NEB: variants seen among roughly 807,000 people sequenced by gnomAD.
NEB encodes the protein nemaline myopathy type 2.
NEB carries 512 observed loss-of-function variants against 952.2 expected under a neutral mutation model. That is an observed-to-expected ratio of 0.54 (90% confidence interval 0.50 to 0.58). NEB has a LOEUF of 0.58. NEB is among the 20% of genes least tolerant of loss of function. The pLI, the probability that NEB is intolerant of heterozygous loss-of-function variation, is 0.00. For synonymous variants in NEB, 2,900 were observed against 3,149.8 expected (o/e 0.92, Z 2.66); for missense variants, 8,428 against 9,231.1 (o/e 0.91, Z 3.56).
At chr2:151,591,952 A>G (rs2097292448) in intron 95 of NEB, 82 bp downstream of exon 95, 4 of 1,529,112 alleles carry the variant, frequency 2.6e-6, no homozygotes, top group East Asian at 2.4e-5. Flanking sequence ...ATGCCTTTTG[A>G]CAAACTCTCT....
chr2:151,672,822 A>C (rs2099316723), intron 36 of NEB, 142 bp from the exon 37 acceptor site: 1 of 665,500 alleles, frequency 1.5e-6, no homozygotes, highest in East Asian at 2.7e-5. Flanking sequence ...CCCTCCAAAA[A>C]GTTCAGTGAA....
At chr2:151,491,037 C>CT (rs35824119) in intron 179 of NEB, among the ~76,000 whole-genome samples, 76 of 138,072 alleles carry the variant, frequency 5.5e-4, no homozygotes, top group South Asian at 3.7e-3. Flanking sequence ...ACATAATATC[C>CT]TTTTTTTTTT....
intron 117 of NEB, 28 bp downstream of exon 117, chr2:151,565,016 A>C: frequency 7.6e-7 from 1 of 1,314,798 alleles, no homozygotes; most frequent in Non-Finnish European, 1.1e-6. Context: ...TTAGAAATTG[A>C]GTGGTTATTA....
intron 63 of NEB, among the ~76,000 whole-genome samples, chr2:151,637,100 C>A (rs2098776337): frequency 6.6e-6 from 1 of 152,086 alleles, no homozygotes; most frequent in Non-Finnish European, 1.5e-5. Context: ...GAGGTTGAGA[C>A]CCCTCTCAAC....
At chr2:151,623,893 A>C (rs2098466708) in intron 71 of NEB, among the ~76,000 whole-genome samples, 1 of 152,158 alleles carries the variant, frequency 6.6e-6, no homozygotes, top group Non-Finnish European at 1.5e-5. Flanking sequence ...AGAGTTCTTT[A>C]ATTCTTTCAG....
Position 151,497,661 on chromosome 2 carries a change from C to A in NEB, c.24265G>T (p.Glu8089Ter), listed in dbSNP as rs374656230. 1 of 1,584,638 alleles carries A rather than the reference C, an allele frequency of 6.3e-7. No individual in the cohort carries two copies. ...GTPLPVTPEM[E>*]RVKHNQENIS... is the part of the protein sequence containing the mutation. The stretch of plus-strand genomic sequence containing the variant: ...TTTTCTTGATTGTGTTTGACTCTTT[C>A]CATCTCGGGAGTGACAGGTAAAGGG... The change falls in exon 171 of 182, where the codon GAA becomes TAA. Residue 8089 changes from glutamate to a stop codon, truncating the protein, a stop_gained. Coordinates refer to ENST00000397345, the MANE Select transcript of NEB (RefSeq NM_001164508.2). LOFTEE classifies it high-confidence loss of function.
Position 151,487,304 on chromosome 2 carries a change from T to C in NEB, c.25405-1371A>G, listed in dbSNP as rs80212211. ...TGGAGGTATATAATAAGTGATAATATCAAAAGTTTCTTCCTAGGAGCAGCC... is the reference window on the plus strand; with the variant it reads ...TGGAGGTATATAATAAGTGATAATACCAAAAGTTTCTTCCTAGGAGCAGCC... On this transcript the variant is annotated intron_variant, in intron 181 of 181. Coordinates refer to ENST00000397345, the MANE Select transcript of NEB (RefSeq NM_001164508.2). 5.6e-3 allele frequency among the ~76,000 whole-genome samples: 860 copies of C among 152,334 alleles called. 5 individuals carry two copies. Among genetic ancestry groups the C allele is most frequent in the Non-Finnish European group, 8.6e-3 (582 of 68,030 alleles).
At chr2:151,523,343 C>T (rs16830140) in intron 153 of NEB, among the ~76,000 whole-genome samples, 10,809 of 152,214 alleles carry the variant, frequency 0.071, 1,227 homozygotes, top group African/African-American at 0.24. Flanking sequence ...ATAATTCTAA[C>T]TTGTTCTGTC....
chr2:151,653,165 A>T (rs2099049724), intron 52 of NEB, among the ~76,000 whole-genome samples: 1 of 152,154 alleles, frequency 6.6e-6, no homozygotes, highest in African/African-American at 2.4e-5. Context: ...GTTTTCTTTC[A>T]AAGATTTTGA....
At chr2:151,530,351 C>T (rs1178790866) in intron 145 of NEB, among the ~76,000 whole-genome samples, 4 of 152,174 alleles carry the variant, frequency 2.6e-5, no homozygotes, top group Admixed American at 1.3e-4. Context: ...CTTCCAGCTT[C>T]ACCCACTTTT....
At chr2:151,542,499 A>C (rs183631073) in intron 135 of NEB, among the ~76,000 whole-genome samples, 2 of 152,014 alleles carry the variant, frequency 1.3e-5, no homozygotes, top group African/African-American at 4.8e-5. Context: ...TGCTTCTCCT[A>C]TTTTCTCTAT....
At chr2:151,653,458 T>G (rs2099052976) in intron 52 of NEB, among the ~76,000 whole-genome samples, 1 of 152,096 alleles carries the variant, frequency 6.6e-6, no homozygotes, top group South Asian at 2.1e-4. Context: ...GAAAGAAGAG[T>G]TAAGTAAGCC....
intron 47 of NEB, 22 bp downstream of exon 47, chr2:151,659,043 C>CA (rs753852194): frequency 2.7e-6 from 4 of 1,472,928 alleles, no homozygotes; most frequent in Non-Finnish European, 3.8e-6. Flanking sequence ...AGAAAGATGA[C>CA]AACAGGGGGA....
rs747981393 is a variant in NEB at position 151,617,504 on chromosome 2, A to AG, written c.11077-37_11077-36insC. ...AAAAAAAAAAGAGAGAGAGAGAGAG[A>AG]AAAATTATTTTGGTGTTCACAGATA... On this transcript the variant is annotated intron_variant, in intron 74 of 181. Coordinates refer to ENST00000397345, the MANE Select transcript of NEB (RefSeq NM_001164508.2). 1.3e-5 allele frequency: 17 copies of AG among 1,339,408 alleles called. 1 individual carries two copies. Among genetic ancestry groups the AG allele is most frequent in the South Asian group, 4.2e-5 (3 of 71,704 alleles). The allele number at this position is 1,339,408 out of a possible 1,614,324, so 83.0% of individuals were successfully genotyped here.
rs755307254 is a variant in NEB, at chr2:151,562,731, A to C, written c.18771T>G (p.Ala6257=). ...CACTGAGGATGTACTGGCACCTTTT[A>C]GCCAGCACGTGATTCATCATGTCAT... ...IPNDMMNHVL[A]KRCQYILSDL... The change falls in exon 120 of 182, where the codon GCT becomes GCG. Residue 6257 remains alanine (A), a synonymous_variant. Transcript: ENST00000397345. The C allele has an allele frequency of 2.5e-6, 4 of 1,604,656 alleles. No homozygotes were observed. The highest frequency in any genetic ancestry group is 3.4e-6 in the Non-Finnish European group (4 of 1,175,218).
Position 151,561,046 on chromosome 2 carries a change from C to A in NEB, c.19164G>T (p.Val6388=). ...TCAGGTTTCTGGTTCTGTCATAATCCACTGTTTCTAGAACTGTTGTGTATT... is the reference window on the plus strand; with the variant it reads ...TCAGGTTTCTGGTTCTGTCATAATCAACTGTTTCTAGAACTGTTGTGTATT... The part of the protein sequence containing the change: ...KDKYTTVLET[V]DYDRTRNLKN... The change falls in exon 123 of 182, where the codon GTG becomes GTT. Residue 6388 remains valine (V), a synonymous_variant. Transcript: ENST00000397345. 6.2e-7 allele frequency: 1 copy of A among 1,609,550 alleles called. No homozygotes were observed. The highest frequency in any genetic ancestry group is 8.5e-7 in the Non-Finnish European group (1 of 1,177,482).
chr2:151,527,137 G>C, intron 147 of NEB, 115 bp from the exon 148 acceptor site: 1 of 687,700 alleles, frequency 1.5e-6, no homozygotes, highest in African/African-American at 1.8e-5. Context: ...CTTGCTACCA[G>C]AATGAGGAGA....
intron 9 of NEB, among the ~76,000 whole-genome samples, chr2:151,719,506 T>C (rs1577650347): frequency 6.6e-6 from 1 of 152,348 alleles, no homozygotes; most frequent in Non-Finnish European, 1.5e-5. Flanking sequence ...AAAGCTTTCA[T>C]GGACATCAAA....
At chr2:151,699,179 A>G (rs2099625577) in intron 13 of NEB, among the ~76,000 whole-genome samples, 5 of 112,496 alleles carry the variant, frequency 4.4e-5, no homozygotes, top group Non-Finnish European at 7.3e-5. Context: ...ATGTCCCTAC[A>G]AAGGACATGA....
Sources: gnomAD v4.1 joint callset for allele counts (sites outside exome capture counted in the v4.1 genomes callset) on GRCh38, gnomAD v4.1.1 for gene constraint, MANE v1.5 for transcripts, NCBI Gene and HGNC (gene_info 2026-07-23, HGNC 2026-07-21) for gene names.